STARD10: variants seen among roughly 807,000 people sequenced by gnomAD.
The protein encoded by STARD10 is StAR related lipid transfer domain containing 10.
A neutral mutation model predicts 36.0 loss-of-function variants in STARD10; 24 were observed. The observed-to-expected ratio is 0.67, with a 90% CI of 0.48 to 0.94. The LOEUF (loss-of-function observed/expected upper bound fraction) is 0.94. STARD10 is among the 40% of genes least tolerant of loss of function. STARD10 has a pLI of 0.00. For synonymous variants in STARD10, 156 were observed against 161.9 expected, an observed-to-expected ratio of 0.96 and a Z score of 0.28; for missense variants, 335 against 396.6, an observed-to-expected ratio of 0.84 and a Z score of 1.32.
At chr11:72,792,596 C>T (rs1177636402) in intron 1 of STARD10, among the ~76,000 whole-genome samples, 1 of 152,104 alleles carries the variant, frequency 6.6e-6, no homozygotes, top group Non-Finnish European at 1.5e-5. Flanking sequence ...CCTGCAGGTG[C>T]CATGGTGTGC....
rs139134163 is a variant in STARD10, at chr11:72,780,181, C to T, written c.207+794G>A. On this transcript the variant is annotated intron_variant, in intron 2 of 6. Coordinates refer to ENST00000334805, the MANE Select transcript of STARD10 (RefSeq NM_006645.3). ...CCAGAGTCTTCACGAGCCCCTGCCC[C>T]ATCTGGTCCCCTGGGGGATATGCGT... is the stretch of plus-strand genomic sequence containing the variant. 1.4e-4 allele frequency: 62 copies of T among 449,584 alleles called. 2 individuals carry two copies. In the East Asian group the frequency reaches 3.3e-3, roughly 24 times the overall value. The allele number at this position is 449,584 out of a possible 1,614,324, so 27.8% of individuals were successfully genotyped here.
In STARD10 at chr11:72,754,947, T is replaced by C. The variant is rs1379699130; in HGVS notation, c.826A>G (p.Met276Val). 4 of 1,606,912 alleles carry C rather than the reference T, an allele frequency of 2.5e-6. No individual in the cohort carries two copies. In the East Asian group the frequency reaches 8.9e-5, roughly 36 times the overall value. The change falls in exon 7 of 7, where the codon ATG (methionine) becomes GTG (valine). Residue 276 changes from methionine (M) to valine (V), a missense_variant. Met to Val is a conservative substitution (Grantham distance 21, BLOSUM62 1). Coordinates refer to ENST00000334805, the MANE Select transcript of STARD10 (RefSeq NM_006645.3). ...CTGCCCTCGCCGCCCGCGCCGCCCA[T>C]CCGCTCCTCTCTGCTCTCGGCCACC... ...SAVAESREER[M>V]GGAGGEGSDD... is the part of the protein sequence containing the mutation.
At chr11:72,790,616 G>A (rs1031931024) in intron 1 of STARD10, among the ~76,000 whole-genome samples, 1 of 152,234 alleles carries the variant, frequency 6.6e-6, no homozygotes, top group Non-Finnish European at 1.5e-5. Flanking sequence ...GCCATGCAGG[G>A]AGGAAGCTCA....
chr11:72,787,390 C>A (rs1457793266), intron 1 of STARD10, among the ~76,000 whole-genome samples: 1 of 152,222 alleles, frequency 6.6e-6, no homozygotes, highest in Non-Finnish European at 1.5e-5. Flanking sequence ...CCTACCGCCA[C>A]CACCATACAG....
chr11:72,771,953 A>G (rs557701848), intron 2 of STARD10, among the ~76,000 whole-genome samples: 95 of 152,254 alleles, frequency 6.2e-4, no homozygotes, highest in African/African-American at 2.2e-3. Context: ...GCAAACACAA[A>G]GAGGCAAAAA....
intron 3 of STARD10, among the ~76,000 whole-genome samples, 189 bp from the exon 4 acceptor site, chr11:72,758,822 C>T (rs1203449343): frequency 2.0e-5 from 3 of 152,252 alleles, no homozygotes; most frequent in South Asian, 2.1e-4. Context: ...CCTGTCCCTA[C>T]TGTCTCCAGC....
At chr11:72,760,923 AT>A (rs1858707285) in intron 2 of STARD10, among the ~76,000 whole-genome samples, 1 of 152,068 alleles carries the variant, frequency 6.6e-6, no homozygotes, top group Non-Finnish European at 1.5e-5. Context: ...CAGAACTGGC[AT>A]TTAGACAGTG....
At chr11:72,756,526 G>A (rs1858646750) in intron 5 of STARD10, among the ~76,000 whole-genome samples, 1 of 152,094 alleles carries the variant, frequency 6.6e-6, no homozygotes, top group Non-Finnish European at 1.5e-5. Flanking sequence ...CAGGGAGCCA[G>A]TGACTCCCCT....
At chr11:72,771,877 G>C (rs1410882805) in intron 2 of STARD10, among the ~76,000 whole-genome samples, 2 of 152,174 alleles carry the variant, frequency 1.3e-5, no homozygotes, top group African/African-American at 2.4e-5. Flanking sequence ...TAGAAGAAAA[G>C]GGAAGGGGTA....
chr11:72,755,189 G>A lies in STARD10; in HGVS notation c.631-47C>T, dbSNP rs373061037. 9.9e-5 allele frequency: 154 copies of A among 1,561,078 alleles called. 1 individual carries two copies. The African/African-American group carries it at 1.9e-3, about 19-fold the overall frequency. On this transcript the variant is annotated intron_variant, in intron 6 of 6. Coordinates refer to ENST00000334805, the MANE Select transcript of STARD10 (RefSeq NM_006645.3). ...GGGTCAGGGGGTGGCTAGGGGGCAG[G>A]TCTTCTCCACACCCCCCTCCAGCGG... is the stretch of plus-strand genomic sequence containing the variant.
At chr11:72,762,348 A>C (rs1240711468) in intron 2 of STARD10, among the ~76,000 whole-genome samples, 1 of 152,112 alleles carries the variant, frequency 6.6e-6, no homozygotes, top group Non-Finnish European at 1.5e-5. Flanking sequence ...TATTACACTA[A>C]GTGCTTTATA....
intron 2 of STARD10, chr11:72,780,337 A>C (rs1591270314): frequency 2.5e-6 from 1 of 400,828 alleles, no homozygotes; most frequent in Non-Finnish European, 5.2e-6. Context: ...GCTTCCCTTG[A>C]CCCCAGGCCC....
At chr11:72,761,452 G>A (rs958688529) in intron 2 of STARD10, among the ~76,000 whole-genome samples, 4 of 152,106 alleles carry the variant, frequency 2.6e-5, no homozygotes, top group Non-Finnish European at 5.9e-5. Context: ...GGAAACTGCT[G>A]CCTAAAAAAA....
intron 2 of STARD10, among the ~76,000 whole-genome samples, chr11:72,761,439 G>A (rs1240678770): frequency 6.6e-6 from 1 of 152,056 alleles, no homozygotes; most frequent in Non-Finnish European, 1.5e-5. Flanking sequence ...GAAACAAAAT[G>A]GTGGAAACTG....
At chr11:72,756,317 T>C (rs1209320163) in intron 5 of STARD10, among the ~76,000 whole-genome samples, 3 of 152,140 alleles carry the variant, frequency 2.0e-5, no homozygotes. Context: ...TGGACCACTG[T>C]GCGCTCTGGG....
chr11:72,779,820 G>A (rs1858969539), intron 2 of STARD10, among the ~76,000 whole-genome samples: 2 of 152,138 alleles, frequency 1.3e-5, no homozygotes, highest in Admixed American at 1.3e-4. Context: ...GTGAAAAGCA[G>A]ATAATCGTGT....
intron 1 of STARD10, among the ~76,000 whole-genome samples, chr11:72,786,805 C>T (rs1340989659): frequency 1.3e-5 from 2 of 152,182 alleles, no homozygotes; most frequent in Admixed American, 6.5e-5. Context: ...CAGTGGCTCA[C>T]ACCTGTAATC....
chr11:72,777,893 C>G (rs549488464), intron 2 of STARD10, among the ~76,000 whole-genome samples: 1 of 152,304 alleles, frequency 6.6e-6, no homozygotes, highest in East Asian at 1.9e-4. Context: ...CAGGGGTCAG[C>G]TGGCTTTCCC....
intron 1 of STARD10, among the ~76,000 whole-genome samples, chr11:72,788,014 C>T (rs970163679): frequency 2.6e-5 from 4 of 152,150 alleles, no homozygotes; most frequent in African/African-American, 7.2e-5. Flanking sequence ...GGGGGGCAGC[C>T]CCAAAACATA....
Sources: gnomAD v4.1 joint callset for allele counts (sites outside exome capture counted in the v4.1 genomes callset) on GRCh38, gnomAD v4.1.1 for gene constraint, MANE v1.5 for transcripts, NCBI Gene and HGNC (gene_info 2026-07-23, HGNC 2026-07-21) for gene names.